The following IRS2 variants were observed in gnomAD, a reference collection of about 807,000 sequenced individuals.
IRS2 encodes the protein insulin receptor substrate 2.
In IRS2, 28 loss-of-function variants were observed where a neutral mutation model predicts 70.9. That is an observed-to-expected ratio of 0.39 (90% CI 0.29 to 0.54). The LOEUF (loss-of-function observed/expected upper bound fraction) is 0.54, where lower values mean the gene tolerates loss of function less well. Among genes scored for constraint, IRS2 ranks in the 20% least tolerant of loss-of-function variants. IRS2 has a pLI of 0.59. For missense variants in IRS2, 2,081 were observed against 2,024.1 expected (o/e 1.03, Z -0.54); for synonymous variants, 1,217 against 981.9 (o/e 1.24, Z -4.48).
At chr13:109,772,955 A>G (rs1877490390) in intron 1 of IRS2, among the ~76,000 whole-genome samples, 1 of 151,964 alleles carries the variant, frequency 6.6e-6, no homozygotes, top group Non-Finnish European at 1.5e-5. Context: ...TCGGCCTCCC[A>G]AAGTGCTGGG....
intron 1 of IRS2, among the ~76,000 whole-genome samples, chr13:109,780,635 C>T (rs753997228): frequency 7.9e-5 from 12 of 152,176 alleles, no homozygotes; most frequent in Non-Finnish European, 1.3e-4. Context: ...TTAGATAGCA[C>T]TAAACTGGTC....
At chr13:109,780,605 C>T (rs1877674537) in intron 1 of IRS2, among the ~76,000 whole-genome samples, 1 of 152,200 alleles carries the variant, frequency 6.6e-6, no homozygotes, top group Non-Finnish European at 1.5e-5. Context: ...CCTAAGTATA[C>T]TATAAAACAG....
intron 1 of IRS2, among the ~76,000 whole-genome samples, chr13:109,768,388 G>A (rs1877381458): frequency 6.6e-6 from 1 of 152,214 alleles, no homozygotes; most frequent in South Asian, 2.1e-4. Flanking sequence ...AGGCTAAGAG[G>A]ACATCAGGGC....
rs1386580049 is a variant in IRS2 at position 109,783,825 on chromosome 13, C to A, written c.2229G>T (p.Met743Ile). 2 of 1,588,942 alleles carry A rather than the reference C, an allele frequency of 1.3e-6. No homozygotes were observed. The highest frequency in any genetic ancestry group is 4.6e-5 in the East Asian group (2 of 43,330). Reference protein sequence around the residue: ...AESSPEDSGYMRMWCGSKLSM... With the variant: ...AESSPEDSGYIRMWCGSKLSM... Reference sequence around the variant, plus strand: ...ACAGCTTGGAACCGCACCACATGCGCATGTACCCACTGTCCTCGGGGGAGC... The same window carrying A: ...ACAGCTTGGAACCGCACCACATGCGAATGTACCCACTGTCCTCGGGGGAGC... Residue 743 changes from methionine to isoleucine, a missense_variant, in exon 1 of 2, where the codon ATG becomes ATT. This residue lies in a region of IRS2 where 1,615 missense variants were observed against 1,459.5 expected (regional missense o/e 1.11). Transcript: ENST00000375856.
chr13:109,758,752 T>C (rs1052557831), intron 1 of IRS2, among the ~76,000 whole-genome samples: 2 of 150,632 alleles, frequency 1.3e-5, no homozygotes, highest in Non-Finnish European at 2.9e-5. Flanking sequence ...ATTCATGCAA[T>C]GACCTTTCAA....
intron 1 of IRS2, among the ~76,000 whole-genome samples, chr13:109,767,992 A>G (rs182490010): frequency 3.5e-4 from 54 of 152,252 alleles, no homozygotes; most frequent in Admixed American, 2.0e-4. Context: ...TGGTCTCCCA[A>G]AGTGCTGGGA....
rs1333434192 is a variant in IRS2 at position 109,755,431 on chromosome 13, C to T, written c.*873G>A. On this transcript the variant is annotated 3_prime_UTR_variant, in exon 2 of 2. Transcript: ENST00000375856. The stretch of plus-strand genomic sequence containing the variant: ...CTGAGCTTGTAAATAGAATAAAAGG[C>T]GTTTGCAATGTGAAGTACCTACATA... 9.0e-6 allele frequency: 2 copies of T among 222,130 alleles called. No individual in the cohort carries two copies. Among genetic ancestry groups the T allele is most frequent in the Non-Finnish European group, 1.8e-5 (2 of 111,266 alleles). 13.8% of individuals were successfully genotyped at this position (222,130 alleles called of 1,614,324 possible). A position where few individuals can be genotyped will look rare whatever the true frequency, so the allele number is the denominator to read the frequency against.
Position 109,756,280 on chromosome 13 carries a change from C to T in IRS2, c.*24G>A. 5 of 1,597,744 alleles carry T rather than the reference C, an allele frequency of 3.1e-6. No individual in the cohort carries two copies. The highest frequency in any genetic ancestry group is 4.3e-6 in the Non-Finnish European group (5 of 1,165,100). ...ATGATACTCTCTGACATGTGACATC[C>T]TGGTGATAAAGCCAGACAGATCTTC... is the stretch of plus-strand genomic sequence containing the variant. On this transcript the variant is annotated 3_prime_UTR_variant, in exon 2 of 2. Transcript: ENST00000375856.
At position 109,777,483 on chromosome 13, in the gene IRS2, C is replaced by T. The variant is rs144744055; in HGVS notation, c.4012+4559G>A. On this transcript the variant is annotated intron_variant, in intron 1 of 1. Transcript: ENST00000375856. Reference sequence around the variant, plus strand: ...AAGAAAATAAAATATCAATTCTCTACTAAGATTCCTTTTTGGGTGGTAGAA... The same window carrying T: ...AAGAAAATAAAATATCAATTCTCTATTAAGATTCCTTTTTGGGTGGTAGAA... Among the ~76,000 whole-genome samples the T allele has an allele frequency of 1.6e-3, 245 of 152,276 alleles. 1 individual carries two copies. The highest frequency in any genetic ancestry group is 5.8e-3 in the African/African-American group (239 of 41,554).
chr13:109,770,951 A>T (rs1218120590), intron 1 of IRS2, among the ~76,000 whole-genome samples: 5 of 152,256 alleles, frequency 3.3e-5, no homozygotes, highest in Admixed American at 6.5e-5. Context: ...GACTTGTTCT[A>T]AGAACTTCAT....
At chr13:109,756,355 A>G in intron 1 of IRS2, 47 bp from the exon 2 acceptor site, 3 of 1,593,330 alleles carry the variant, frequency 1.9e-6, no homozygotes, top group East Asian at 2.2e-5. Flanking sequence ...AGGAGAACAG[A>G]GCAATCTCTG....
In IRS2 at chr13:109,783,530, G is replaced by A; in HGVS notation, c.2524C>T (p.Gln842Ter). The change falls in exon 1 of 2, where the codon CAG (glutamine) becomes TAG (stop). Residue 842 changes from glutamine (Q) to a stop codon, truncating the protein, a stop_gained. Coordinates refer to ENST00000375856, the MANE Select transcript of IRS2 (RefSeq NM_003749.3). LOFTEE classifies it high-confidence loss of function. ...GCCTGGCTGGGCCCTGGCGTGGCCT[G>A]AGGCTCCAGACGCTCCTCCTCCAGG... ...RILEEERLEP[Q>*]ATPGPSQAAS... 1 of 1,549,094 alleles carries A rather than the reference G, an allele frequency of 6.5e-7. No individual in the cohort carries two copies. The highest frequency in any genetic ancestry group is 8.7e-7 in the Non-Finnish European group (1 of 1,146,662).
intron 1 of IRS2, among the ~76,000 whole-genome samples, chr13:109,771,828 G>A (rs563851346): frequency 2.0e-4 from 30 of 152,332 alleles, no homozygotes; most frequent in African/African-American, 7.0e-4. Context: ...AATGTCCACA[G>A]TAAACTAGGG....
intron 1 of IRS2, among the ~76,000 whole-genome samples, chr13:109,773,773 A>G (rs1293367860): frequency 6.6e-6 from 1 of 152,256 alleles, no homozygotes; most frequent in East Asian, 1.9e-4. Context: ...ATGGATGAAG[A>G]AAGTTACTAA....
Position 109,784,765 on chromosome 13 carries a change from G to C in IRS2, c.1289C>G (p.Ser430Cys). 1 of 1,252,050 alleles carries C rather than the reference G, an allele frequency of 8.0e-7. No individual in the cohort carries two copies. Among genetic ancestry groups the C allele is most frequent in the Non-Finnish European group, 1.0e-6 (1 of 999,646 alleles). The allele number at this position is 1,252,050 out of a possible 1,614,324, so 77.6% of individuals were successfully genotyped here. A position where few individuals can be genotyped will look rare whatever the true frequency, so the allele number is the denominator to read the frequency against. Residue 430 changes from serine (S) to cysteine (C), a missense_variant, in exon 1 of 2, where the codon TCC becomes TGC. Ser to Cys is a moderately radical substitution (Grantham distance 112). Coordinates refer to ENST00000375856, the MANE Select transcript of IRS2 (RefSeq NM_003749.3). The surrounding 1 kb of genome is among the most constrained non-coding windows in gnomAD (Gnocchi z 5.2). Reference sequence around the variant, plus strand: ...CGAGTGCGCCACGGGCATGGACATGGAGCGGCTGTGTTGCAGCGCGCCCCC... The same window carrying C: ...CGAGTGCGCCACGGGCATGGACATGCAGCGGCTGTGTTGCAGCGCGCCCCC... ...PAGGALQHSR[S>C]MSMPVAHSPP... is the part of the protein sequence containing the mutation.
At chr13:109,762,857 T>C (rs1473126227) in intron 1 of IRS2, among the ~76,000 whole-genome samples, 1 of 152,212 alleles carries the variant, frequency 6.6e-6, no homozygotes, top group East Asian at 1.9e-4. Flanking sequence ...CAAAGTTTTC[T>C]AAAACAGAAC....
chr13:109,782,971 G>A lies in IRS2; in HGVS notation c.3083C>T (p.Ser1028Phe). Residue 1028 changes from serine (S) to phenylalanine (F), a missense_variant, in exon 1 of 2, where the codon TCT becomes TTT. Ser to Phe is a radical substitution (Grantham distance 155, BLOSUM62 -2). Transcript: ENST00000375856. ...CGGCGGCGGTGGCGGCGGCTGCAGA[G>A]ACGACGACGGGGACGCGGACGGACG... is the stretch of plus-strand genomic sequence containing the variant. ...PPRPSASPSS[S>F]LQPPPPPPAP... 7.1e-7 allele frequency: 1 copy of A among 1,411,072 alleles called. No homozygotes were observed. The highest frequency in any genetic ancestry group is 1.5e-5 in the African/African-American group (1 of 65,078). The allele number at this position is 1,411,072 out of a possible 1,614,324, so 87.4% of individuals were successfully genotyped here.
At chr13:109,776,201 C>G (rs969040910) in intron 1 of IRS2, among the ~76,000 whole-genome samples, 2 of 151,704 alleles carry the variant, frequency 1.3e-5, no homozygotes, top group South Asian at 2.1e-4. Context: ...TGCGTGTGAT[C>G]AGTTATCTTT....
Position 109,755,609 on chromosome 13 carries a change from G to T in IRS2, c.*695C>A. 4.9e-6 allele frequency: 1 copy of T among 202,264 alleles called. No individual in the cohort carries two copies. Among genetic ancestry groups the T allele is most frequent in the Non-Finnish European group, 1.0e-5 (1 of 98,386 alleles). 12.5% of individuals were successfully genotyped at this position (202,264 alleles called of 1,614,324 possible). On this transcript the variant is annotated 3_prime_UTR_variant, in exon 2 of 2. Transcript: ENST00000375856. ...AGTTACATATAATAATTATTATTTA[G>T]TAATCCGTCTTCAAAGTCCAATCCC...
Sources: allele counts gnomAD v4.1 joint callset (sites outside exome capture counted in the v4.1 genomes callset), GRCh38; gene constraint gnomAD v4.1.1; regional missense constraint gnomAD v4.1.1; non-coding constraint Gnocchi (gnomAD v3.1); transcripts MANE v1.5; gene names NCBI Gene and HGNC (gene_info 2026-07-23, HGNC 2026-07-21).